Variants in ASPH observed in about 807,000 individuals in gnomAD.
The protein encoded by ASPH is aspartate beta-hydroxylase.
A neutral mutation model predicts 118.4 loss-of-function variants in ASPH; 100 were observed. The observed-to-expected ratio is 0.84, with a 90% CI of 0.72 to 1.00. ASPH has a LOEUF of 1.00. Among genes scored for constraint, ASPH ranks in the 50% least tolerant of loss-of-function variants. The probability of loss-of-function intolerance (pLI) is 0.00; values close to 1 mark genes in which losing one functional copy is unlikely to be tolerated. For missense variants in ASPH, 920 were observed against 919.5 expected, an observed-to-expected ratio of 1.00 and a Z score of -0.01; for synonymous variants, 315 against 325.6, an observed-to-expected ratio of 0.97 and a Z score of 0.35.
intron 1 of ASPH, among the ~76,000 whole-genome samples, chr8:61,705,632 G>C (rs1176228845): frequency 2.0e-5 from 3 of 152,182 alleles, no homozygotes; most frequent in Admixed American, 6.5e-5. Flanking sequence ...ACGCAAGAAA[G>C]GGGCTTGAGA....
intron 1 of ASPH, among the ~76,000 whole-genome samples, chr8:61,696,389 A>T (rs1450719154): frequency 6.6e-6 from 1 of 152,208 alleles, no homozygotes; most frequent in Admixed American, 6.5e-5. Flanking sequence ...ACTATCCTTT[A>T]GAATACCCAG....
intron 13 of ASPH, chr8:61,626,082 G>A: frequency 8.0e-7 from 1 of 1,244,702 alleles, no homozygotes; most frequent in Non-Finnish European, 1.0e-6. Context: ...TTAGAAATGT[G>A]TGTTTCTAAA....
At chr8:61,555,844 T>C (rs1201976131) in intron 19 of ASPH, 80 bp downstream of exon 19, 1 of 1,236,808 alleles carries the variant, frequency 8.1e-7, no homozygotes, top group East Asian at 2.5e-5. Context: ...ATGCAATCAA[T>C]CTACAAGGAA....
At position 61,615,761 on chromosome 8, in the gene ASPH, T is replaced by C. The variant is rs569478747; in HGVS notation, c.976+3217A>G. On this transcript the variant is annotated intron_variant, in intron 14 of 24. Coordinates refer to ENST00000379454, the MANE Select transcript of ASPH (RefSeq NM_004318.4). ...TAAAAATAATCTGATTTGACTCAAG[T>C]AACAGATGTCTGCAAATGAGGGCCT... Among the ~76,000 whole-genome samples, 5 of 152,346 alleles carry C rather than the reference T, an allele frequency of 3.3e-5. No homozygotes were observed. The South Asian group carries it at 1.0e-3, about 32-fold the overall frequency.
Position 61,583,967 on chromosome 8 carries a change from C to A in ASPH, c.1039G>T (p.Ala347Ser). ...ACCCTTTTACGGAGTTTTTCTGCAG[C>A]ATCAAGTTCAGCTTTAATAGTCTTA... ...FDKTIKAELD[A>S]AEKLRKRGKI... Residue 347 changes from alanine (A) to serine (S), a missense_variant, in exon 15 of 25, where the codon GCT becomes TCT. Ala to Ser is a moderately conservative substitution (Grantham distance 99). Coordinates refer to ENST00000379454, the MANE Select transcript of ASPH (RefSeq NM_004318.4). The A allele has an allele frequency of 6.3e-7, 1 of 1,585,228 alleles. No individual in the cohort carries two copies.
At chr8:61,602,614 G>A (rs1844354201) in intron 14 of ASPH, among the ~76,000 whole-genome samples, 1 of 151,336 alleles carries the variant, frequency 6.6e-6, no homozygotes, top group Non-Finnish European at 1.5e-5. Context: ...TCTGGGAAAT[G>A]TAAACTAATG....
chr8:61,704,410 CAT>C lies in ASPH; in HGVS notation c.103+9857_103+9858del, dbSNP rs141702762. On this transcript the variant is annotated intron_variant, in intron 1 of 24. Transcript: ENST00000379454. Reference sequence around the variant, plus strand: ...TAATGTGAAAATGCTCATAGACAAACATAAAAACTGAAACTATAAAACTTCTA... The same window carrying C: ...TAATGTGAAAATGCTCATAGACAAACAAAAACTGAAACTATAAAACTTCTA... 3.7e-4 allele frequency among the ~76,000 whole-genome samples: 56 copies of C among 151,392 alleles called. No homozygotes were observed. The East Asian group carries it at 9.7e-3, about 26-fold the overall frequency.
rs535211729 is a variant in ASPH, at chr8:61,705,193, T to C, written c.103+9076A>G. ...AATATTTATAAGTGGGAGCAAAACATTGACTACCTACGGACACAAAGAAGG... is the reference window on the plus strand; with the variant it reads ...AATATTTATAAGTGGGAGCAAAACACTGACTACCTACGGACACAAAGAAGG... On this transcript the variant is annotated intron_variant, in intron 1 of 24. Coordinates refer to ENST00000379454, the MANE Select transcript of ASPH (RefSeq NM_004318.4). 1.2e-4 allele frequency among the ~76,000 whole-genome samples: 19 copies of C among 152,188 alleles called. No homozygotes were observed. The South Asian group carries it at 3.3e-3, about 27-fold the overall frequency.
chr8:61,639,631 C>G (rs1410935441), intron 10 of ASPH, among the ~76,000 whole-genome samples: 1 of 152,178 alleles, frequency 6.6e-6, no homozygotes, highest in African/African-American at 2.4e-5. Flanking sequence ...ATCTGCTCTC[C>G]TTAAGGGATC....
At chr8:61,540,329 C>T (rs184844863) in intron 21 of ASPH, among the ~76,000 whole-genome samples, 4 of 152,232 alleles carry the variant, frequency 2.6e-5, no homozygotes, top group East Asian at 1.9e-4. Flanking sequence ...TCAGTACCAT[C>T]GCTCTTGGTA....
rs754249957 is a variant in ASPH at position 61,501,124 on chromosome 8, A to AAATC, written c.*2231_*2234dup. The stretch of plus-strand genomic sequence containing the variant: ...TAATTCATTTTTGTGTAGACATACG[A>AAATC]AATCACAAAAATAATAACACTGAAA... On this transcript the variant is annotated 3_prime_UTR_variant, in exon 25 of 25. Transcript: ENST00000379454. 8.5e-5 allele frequency: 13 copies of AAATC among 152,166 alleles called. No individual in the cohort carries two copies. Among genetic ancestry groups the AAATC allele is most frequent in the Non-Finnish European group, 1.8e-4 (12 of 68,020 alleles). The allele number at this position is 152,166 out of a possible 1,614,324, so 9.4% of individuals were successfully genotyped here.
chr8:61,576,901 G>A, intron 15 of ASPH, 43 bp from the exon 16 acceptor site: 1 of 1,477,756 alleles, frequency 6.8e-7, no homozygotes, highest in South Asian at 1.2e-5. Context: ...AAATTAAAAT[G>A]AATAATCAAT....
intron 12 of ASPH, among the ~76,000 whole-genome samples, chr8:61,637,206 C>T (rs943466432): frequency 3.9e-5 from 6 of 152,122 alleles, no homozygotes; most frequent in Non-Finnish European, 7.3e-5. Context: ...CATTCCCTCA[C>T]ACCTTCACAC....
intron 3 of ASPH, chr8:61,663,320 A>G: frequency 1.0e-6 from 1 of 985,318 alleles, no homozygotes; most frequent in Non-Finnish European, 1.2e-6. Flanking sequence ...CCTCAACTAC[A>G]AAAATGGTCC....
At chr8:61,665,358 C>A in intron 3 of ASPH, 1 of 1,613,828 alleles carries the variant, frequency 6.2e-7, no homozygotes, top group Non-Finnish European at 8.5e-7. Context: ...TTACTAGAAA[C>A]ATCCTTCATA....
intron 21 of ASPH, among the ~76,000 whole-genome samples, chr8:61,530,014 G>A (rs757511265): frequency 2.0e-5 from 3 of 152,164 alleles, no homozygotes; most frequent in East Asian, 3.9e-4. Flanking sequence ...CCATATCAGC[G>A]TATGTGTGTG....
intron 3 of ASPH, chr8:61,660,285 C>G (rs963384761): frequency 3.9e-5 from 6 of 152,026 alleles, no homozygotes; most frequent in African/African-American, 9.7e-5. Context: ...TGTATTTGGG[C>G]AGGGGGAGAA....
At chr8:61,559,131 A>T (rs1828908684) in intron 18 of ASPH, among the ~76,000 whole-genome samples, 1 of 152,244 alleles carries the variant, frequency 6.6e-6, no homozygotes, top group Admixed American at 6.5e-5. Context: ...TACTAATTAC[A>T]TCATGGAAGA....
intron 24 of ASPH, among the ~76,000 whole-genome samples, chr8:61,516,401 C>A (rs1260587747): frequency 6.6e-6 from 1 of 152,150 alleles, no homozygotes; most frequent in Non-Finnish European, 1.5e-5. Context: ...AAGAGGACGG[C>A]CCCTTCTGAG....
Sources: allele counts gnomAD v4.1 joint callset (sites outside exome capture counted in the v4.1 genomes callset), GRCh38; gene constraint gnomAD v4.1.1; transcripts MANE v1.5; gene names NCBI Gene and HGNC (gene_info 2026-07-23, HGNC 2026-07-21).